The following CEP128 variants were observed in gnomAD, a reference collection of about 807,000 sequenced individuals.
CEP128 encodes centrosomal protein 128kDa.
CEP128 carries 132 observed loss-of-function variants against 156.7 expected under a neutral mutation model. The ratio of observed to expected loss-of-function variants is 0.84; its 90% CI spans 0.73 to 0.97. The LOEUF (loss-of-function observed/expected upper bound fraction) is 0.97, where lower values mean the gene tolerates loss of function less well. CEP128 is among the 50% of genes least tolerant of loss of function. CEP128 has a pLI of 0.00. For synonymous variants in CEP128, 469 were observed against 448.9 expected (o/e 1.04, Z -0.57); for missense variants, 1,252 against 1,281.9 (o/e 0.98, Z 0.36).
chr14:80,908,024 A>G (rs1201494619), intron 4 of CEP128, among the ~76,000 whole-genome samples: 1 of 152,198 alleles, frequency 6.6e-6, no homozygotes, highest in Non-Finnish European at 1.5e-5. Context: ...CAATTTCAGT[A>G]TCCTTTTGAA....
intron 8 of CEP128, among the ~76,000 whole-genome samples, chr14:80,873,744 G>C (rs963982678): frequency 6.6e-6 from 1 of 152,084 alleles, no homozygotes; most frequent in Non-Finnish European, 1.5e-5. Context: ...CGTGTCATGG[G>C]AGAAACCCAG....
chr14:80,899,939 G>A lies in CEP128; in HGVS notation c.571C>T (p.Arg191Trp), dbSNP rs777239090. ...ATAAAAACCATAGGCTGCTTTTACC[G>A]GCTCCTTCTGGAAAGCTCCCTGTTG... is the stretch of plus-strand genomic sequence containing the variant. The part of the protein sequence containing the change: ...DFNRELSRRS[R>W]SDAETKRALE... The change falls in exon 7 of 25, where the codon CGG (arginine) becomes TGG (tryptophan). Residue 191 changes from arginine to tryptophan, a missense_variant and splice_region_variant. Arg to Trp is a moderately radical substitution (Grantham distance 101). Coordinates refer to ENST00000555265, the MANE Select transcript of CEP128 (RefSeq NM_152446.5). The A allele has an allele frequency of 2.5e-5, 41 of 1,608,506 alleles. No homozygotes were observed. Among genetic ancestry groups the A allele is most frequent in the Middle Eastern group, 1.6e-4 (1 of 6,068 alleles).
intron 2 of CEP128, among the ~76,000 whole-genome samples, chr14:80,952,640 A>G (rs1313899623): frequency 2.0e-5 from 3 of 152,060 alleles, no homozygotes; most frequent in Non-Finnish European, 4.4e-5. Flanking sequence ...AGGCAGAGTA[A>G]TAAAATAATA....
intron 13 of CEP128, among the ~76,000 whole-genome samples, chr14:80,817,221 T>G (rs1566647578): frequency 6.6e-6 from 1 of 151,560 alleles, no homozygotes; most frequent in African/African-American, 2.4e-5. Flanking sequence ...ACTAAACTAC[T>G]AAAAAAAACC....
chr14:80,627,426 G>A (rs954889847), intron 19 of CEP128, among the ~76,000 whole-genome samples: 2 of 152,182 alleles, frequency 1.3e-5, no homozygotes, highest in Non-Finnish European at 1.5e-5. Context: ...ATGTAAGAAC[G>A]CATCACATGA....
At chr14:80,678,047 A>ATATATATAT (rs1555390193) in intron 19 of CEP128, among the ~76,000 whole-genome samples, 865 of 68,430 alleles carry the variant, frequency 0.013, 13 homozygotes, top group Admixed American at 0.026. Flanking sequence ...CTATAAAAAA[A>ATATATATAT]AAATATATAT....
intron 2 of CEP128, among the ~76,000 whole-genome samples, chr14:80,921,887 C>T (rs975268005): frequency 1.3e-5 from 2 of 151,152 alleles, no homozygotes; most frequent in African/African-American, 2.4e-5. Flanking sequence ...CACTTGAACC[C>T]GGGAGGCGGA....
intron 19 of CEP128, among the ~76,000 whole-genome samples, chr14:80,619,620 T>C (rs1893386245): frequency 6.6e-6 from 1 of 150,832 alleles, no homozygotes; most frequent in Non-Finnish European, 1.5e-5. Flanking sequence ...GAGAATCACT[T>C]GAACCTGGGA....
At chr14:80,818,134 C>G (rs1263185722) in intron 13 of CEP128, among the ~76,000 whole-genome samples, 1 of 152,152 alleles carries the variant, frequency 6.6e-6, no homozygotes, top group Non-Finnish European at 1.5e-5. Flanking sequence ...ATCCTCTCAC[C>G]TCAGCCTCCT....
intron 21 of CEP128, among the ~76,000 whole-genome samples, chr14:80,534,495 A>G (rs1274847820): frequency 6.6e-6 from 1 of 152,200 alleles, no homozygotes; most frequent in East Asian, 1.9e-4. Flanking sequence ...GCCTTACATT[A>G]TCTCATGCCT....
At position 80,760,149 on chromosome 14, in the gene CEP128, G is replaced by GA. The variant is rs570982177; in HGVS notation, c.2553+1287dup. 9.2e-4 allele frequency among the ~76,000 whole-genome samples: 133 copies of GA among 144,450 alleles called. 1 individual carries two copies. The highest frequency in any genetic ancestry group is 4.8e-3 in the South Asian group (22 of 4,586). 94.8% of individuals were successfully genotyped at this position (144,450 alleles called of 152,430 possible). A position where few individuals can be genotyped will look rare whatever the true frequency, so the allele number is the denominator to read the frequency against. On this transcript the variant is annotated intron_variant, in intron 17 of 24. Transcript: ENST00000555265. ...TCTTAAATTTAAAAAGCAGCATTAG[G>GA]AAAAAAAAAAAGTTAGAATTATCAT...
At chr14:80,631,570 T>C (rs1893961831) in intron 19 of CEP128, among the ~76,000 whole-genome samples, 1 of 152,074 alleles carries the variant, frequency 6.6e-6, no homozygotes, top group Non-Finnish European at 1.5e-5. Context: ...ATTCGGTATC[T>C]GCAAAGATCA....
At chr14:80,896,123 G>T (rs938901644) in intron 7 of CEP128, among the ~76,000 whole-genome samples, 1 of 152,048 alleles carries the variant, frequency 6.6e-6, no homozygotes, top group Non-Finnish European at 1.5e-5. Context: ...AAACACACAG[G>T]TTGCAATATC....
At chr14:80,838,157 T>C (rs1204093992) in intron 11 of CEP128, 47 bp downstream of exon 11, 1 of 1,307,956 alleles carries the variant, frequency 7.6e-7, no homozygotes, top group Admixed American at 1.8e-5. Context: ...AGCTACTCAA[T>C]CCTGATTTAA....
chr14:80,512,164 T>C (rs1486130631), intron 23 of CEP128, among the ~76,000 whole-genome samples: 2 of 152,080 alleles, frequency 1.3e-5, no homozygotes, highest in Non-Finnish European at 2.9e-5. Context: ...AAGCTGAAAG[T>C]GGGCTGTTGA....
intron 4 of CEP128, among the ~76,000 whole-genome samples, chr14:80,910,861 C>T (rs536147994): frequency 8.5e-4 from 129 of 152,208 alleles, no homozygotes; most frequent in African/African-American, 2.9e-3. Context: ...AATAATGATA[C>T]TCAAGGGGTA....
chr14:80,801,531 A>C (rs765383411), intron 13 of CEP128, among the ~76,000 whole-genome samples: 4 of 152,182 alleles, frequency 2.6e-5, no homozygotes, highest in African/African-American at 4.8e-5. Flanking sequence ...AAAAACAAAC[A>C]ACCACATCAA....
chr14:80,866,865 T>A (rs1887790730), intron 8 of CEP128, among the ~76,000 whole-genome samples: 1 of 152,236 alleles, frequency 6.6e-6, no homozygotes, highest in South Asian at 2.1e-4. Flanking sequence ...GAGAATACAG[T>A]AGTCCCATTT....
intron 21 of CEP128, 49 bp downstream of exon 21, chr14:80,559,230 G>A (rs1890566325): frequency 6.6e-7 from 1 of 1,512,878 alleles, no homozygotes; most frequent in African/African-American, 1.4e-5. Flanking sequence ...TCCACATCAG[G>A]AGACAGCAGT....
Sources: allele counts gnomAD v4.1 joint callset (sites outside exome capture counted in the v4.1 genomes callset), GRCh38; gene constraint gnomAD v4.1.1; transcripts MANE v1.5; gene names NCBI Gene and HGNC (gene_info 2026-07-23, HGNC 2026-07-21).